Variants in RABGAP1L observed in about 807,000 individuals in gnomAD.
RABGAP1L encodes RAB GTPase activating protein 1 like.
In RABGAP1L, 63 loss-of-function variants were observed where a neutral mutation model predicts 137.7. The ratio of observed to expected loss-of-function variants is 0.46; its 90% confidence interval spans 0.37 to 0.56. The LOEUF (loss-of-function observed/expected upper bound fraction) is 0.56. Among genes scored for constraint, RABGAP1L ranks in the 20% least tolerant of loss-of-function variants. The pLI, the probability that RABGAP1L is intolerant of heterozygous loss-of-function variation, is 0.00. For missense variants in RABGAP1L, 1,095 were observed against 1,244.0 expected (o/e 0.88, Z 1.80); for synonymous variants, 431 against 433.7 (o/e 0.99, Z 0.08).
At chr1:174,816,327 T>G (rs999041696) in intron 19 of RABGAP1L, among the ~76,000 whole-genome samples, 3 of 151,868 alleles carry the variant, frequency 2.0e-5, no homozygotes, top group African/African-American at 7.3e-5. Flanking sequence ...TAATGTTCTA[T>G]TTTTAGTAGA....
chr1:174,720,070 T>C (rs1325311636), intron 17 of RABGAP1L, among the ~76,000 whole-genome samples: 1 of 152,168 alleles, frequency 6.6e-6, no homozygotes, highest in African/African-American at 2.4e-5. Flanking sequence ...AAAGCTATAG[T>C]AATCAAAACT....
At chr1:174,775,314 CTTTT>C (rs11318724) in intron 18 of RABGAP1L, among the ~76,000 whole-genome samples, 1 of 137,210 alleles carries the variant, frequency 7.3e-6, no homozygotes, top group Non-Finnish European at 1.6e-5. Flanking sequence ...CAGGAGAAAA[CTTTT>C]TTTTTTTTTT....
chr1:174,839,895 A>G (rs889091939), intron 19 of RABGAP1L, among the ~76,000 whole-genome samples: 4 of 152,240 alleles, frequency 2.6e-5, no homozygotes, highest in Non-Finnish European at 5.9e-5. Context: ...GATACAAGTT[A>G]GAGACAAGAG....
chr1:174,283,746 A>T (rs908032535), intron 10 of RABGAP1L, among the ~76,000 whole-genome samples: 1 of 152,128 alleles, frequency 6.6e-6, no homozygotes, highest in Non-Finnish European at 1.5e-5. Flanking sequence ...ACCTCAAGTG[A>T]TCCACCCTCC....
chr1:174,634,463 G>A (rs1206365992), intron 13 of RABGAP1L, among the ~76,000 whole-genome samples: 3 of 134,528 alleles, frequency 2.2e-5, no homozygotes, highest in African/African-American at 9.0e-5. Flanking sequence ...AACCATTGTG[G>A]AAGTCAGTGT....
intron 13 of RABGAP1L, among the ~76,000 whole-genome samples, chr1:174,565,465 G>T (rs1424383221): frequency 6.6e-6 from 1 of 152,018 alleles, no homozygotes; most frequent in Non-Finnish European, 1.5e-5. Flanking sequence ...TGCCCCACTT[G>T]TTTTTTGTTT....
chr1:174,894,782 A>G (rs2149132534), intron 19 of RABGAP1L, among the ~76,000 whole-genome samples: 1 of 151,990 alleles, frequency 6.6e-6, no homozygotes, highest in East Asian at 1.9e-4. Context: ...TGTTTTTGAG[A>G]CAGTTGCTCT....
At chr1:174,450,292 T>A (rs1052559241) in intron 13 of RABGAP1L, among the ~76,000 whole-genome samples, 11 of 152,176 alleles carry the variant, frequency 7.2e-5, no homozygotes, top group African/African-American at 2.7e-4. Flanking sequence ...GATAGCTTAC[T>A]GTTGTGTCCA....
intron 1 of RABGAP1L, among the ~76,000 whole-genome samples, chr1:174,179,676 C>T (rs1371459982): frequency 1.3e-5 from 2 of 152,162 alleles, no homozygotes; most frequent in Non-Finnish European, 1.5e-5. Flanking sequence ...ATCTTACCCA[C>T]CATTGCTTTT....
At position 174,708,641 on chromosome 1, in the gene RABGAP1L, G is replaced by A. The variant is rs532591149; in HGVS notation, c.2169+6385G>A. Among the ~76,000 whole-genome samples, 8 of 152,304 alleles carry A rather than the reference G, an allele frequency of 5.3e-5. No individual in the cohort carries two copies. In the East Asian group the frequency reaches 9.7e-4, roughly 18 times the overall value. On this transcript the variant is annotated intron_variant, in intron 17 of 25. Transcript: ENST00000681986. The stretch of plus-strand genomic sequence containing the variant: ...ATACTACACTTTTCCCATGGTCTTC[G>A]CAACCTACAGACCAGGAGATTCCCT...
chr1:174,775,287 T>C (rs1250946546), intron 18 of RABGAP1L, among the ~76,000 whole-genome samples: 1 of 151,504 alleles, frequency 6.6e-6, no homozygotes, highest in Admixed American at 6.6e-5. Flanking sequence ...GTGTTAAAAT[T>C]ATTATATTTA....
chr1:174,370,434 A>G (rs1466609541), intron 11 of RABGAP1L, among the ~76,000 whole-genome samples: 2 of 122,144 alleles, frequency 1.6e-5, no homozygotes, highest in African/African-American at 3.2e-5. Flanking sequence ...TAAAAAGGCC[A>G]GTTTCAATTT....
At position 174,713,570 on chromosome 1, in the gene RABGAP1L, T is replaced by C. The variant is rs140470747; in HGVS notation, c.2169+11314T>C. Among the ~76,000 whole-genome samples, 363 of 152,300 alleles carry C rather than the reference T, an allele frequency of 2.4e-3. 2 individuals are homozygous for C. The highest frequency in any genetic ancestry group is 7.9e-3 in the African/African-American group (329 of 41,566). On this transcript the variant is annotated intron_variant, in intron 17 of 25. Transcript: ENST00000681986. The stretch of plus-strand genomic sequence containing the variant: ...GGCACCTTTCCCTCAAACCCTGCTC[T>C]CGTTTACTCTCTCACTGTATGATGT...
At chr1:174,790,730 C>G (rs1054352675) in intron 18 of RABGAP1L, among the ~76,000 whole-genome samples, 2 of 151,562 alleles carry the variant, frequency 1.3e-5, no homozygotes, top group Non-Finnish European at 2.9e-5. Flanking sequence ...GTGCAGAGGC[C>G]CTTCTGAAAT....
chr1:174,678,479 AAG>A (rs1011712814), intron 14 of RABGAP1L, among the ~76,000 whole-genome samples: 15 of 152,230 alleles, frequency 9.9e-5, no homozygotes, highest in East Asian at 3.8e-4. Flanking sequence ...ACAAAAAAAA[AAG>A]AGTAACAAAC....
Position 174,221,156 on chromosome 1 carries a change from C to CT in RABGAP1L, c.324dup (p.Asn109Ter). On this transcript the variant is annotated frameshift_variant, in exon 3 of 26. Transcript: ENST00000681986. LOFTEE classifies it high-confidence loss of function. ...TCTCTTCAGTTAATTTTGGATCCGT[C>CT]TAACACAGGTACTGTATTGAATTCT... 1.2e-6 allele frequency: 2 copies of CT among 1,600,964 alleles called. No homozygotes were observed. The highest frequency in any genetic ancestry group is 1.7e-6 in the Non-Finnish European group (2 of 1,172,928).
chr1:174,624,411 T>C (rs781144021), intron 13 of RABGAP1L, among the ~76,000 whole-genome samples: 1 of 152,202 alleles, frequency 6.6e-6, no homozygotes, highest in Non-Finnish European at 1.5e-5. Flanking sequence ...ATCTTAAGCC[T>C]TTTGCAATTT....
At chr1:174,704,240 T>G (rs1004357118) in intron 17 of RABGAP1L, among the ~76,000 whole-genome samples, 25 of 152,184 alleles carry the variant, frequency 1.6e-4, no homozygotes, top group Admixed American at 5.9e-4. Flanking sequence ...CCCAAAGTGC[T>G]GGGATTAGAG....
chr1:174,573,858 C>G (rs1019975784), intron 13 of RABGAP1L, among the ~76,000 whole-genome samples: 1 of 152,078 alleles, frequency 6.6e-6, no homozygotes, highest in Admixed American at 6.6e-5. Flanking sequence ...AATTTAAACT[C>G]TATTAAAGAA....
Sources: allele counts gnomAD v4.1 joint callset (sites outside exome capture counted in the v4.1 genomes callset), GRCh38; gene constraint gnomAD v4.1.1; transcripts MANE v1.5; gene names NCBI Gene and HGNC (gene_info 2026-07-23, HGNC 2026-07-21).